TRMT11: variants seen among roughly 807,000 people sequenced by gnomAD.
TRMT11 encodes the protein tRNA methyltransferase 11.
Under a neutral mutation model 62.8 loss-of-function variants are expected in TRMT11, and 53 were observed. That is an observed-to-expected ratio of 0.84 (90% confidence interval 0.68 to 1.06). The LOEUF (loss-of-function observed/expected upper bound fraction) is 1.06, where lower values mean the gene tolerates loss of function less well. Among genes scored for constraint, TRMT11 ranks in the 50% least tolerant of loss-of-function variants. TRMT11 has a pLI of 0.00. For synonymous variants in TRMT11, 188 were observed against 190.3 expected (o/e 0.99, Z 0.10); for missense variants, 556 against 553.4 (o/e 1.00, Z -0.05).
chr6:126,154,333 GTGTGTA>G (rs763615314), intron 21 of TRMT11, among the ~76,000 whole-genome samples: 62 of 145,552 alleles, frequency 4.3e-4, no homozygotes, highest in African/African-American at 5.6e-4. Context: ...ATATGTGTGT[GTGTGTA>G]TGTGTGTGTG....
At chr6:126,241,778 A>G in the TRMT11 span, among the ~76,000 whole-genome samples, 5 of 152,230 alleles carry the variant, frequency 3.3e-5, no homozygotes, top group Admixed American at 1.3e-4. Flanking sequence ...TAAATTAGGT[A>G]TTGTTGGGAC....
intron 8 of TRMT11, among the ~76,000 whole-genome samples, chr6:126,009,801 T>C (rs1162125120): frequency 1.3e-5 from 2 of 152,072 alleles, no homozygotes; most frequent in Non-Finnish European, 2.9e-5. Flanking sequence ...AAGCAGTATA[T>C]TTCTTTTAAG....
chr6:126,041,491 A>G (rs768867501), downstream of TRMT11, among the ~76,000 whole-genome samples: 2 of 152,176 alleles, frequency 1.3e-5, no homozygotes, highest in African/African-American at 2.4e-5. Context: ...AACTGCTGAC[A>G]TCTTATGCTG....
intron 7 of TRMT11, chr6:126,006,871 A>T (rs1014339087): frequency 6.6e-6 from 1 of 152,012 alleles, no homozygotes; most frequent in Non-Finnish European, 1.5e-5. Context: ...GTCTTCTCAA[A>T]ACTCACTCTA....
intron 3 of TRMT11, among the ~76,000 whole-genome samples, chr6:126,201,127 T>C (rs1435128274): frequency 6.6e-6 from 1 of 152,242 alleles, no homozygotes; most frequent in Non-Finnish European, 1.5e-5. Context: ...GATATGTTTA[T>C]TGATTCAGTC....
At chr6:126,164,462 G>A (rs147191187) in intron 21 of TRMT11, among the ~76,000 whole-genome samples, 2,254 of 152,328 alleles carry the variant, frequency 0.015, 52 homozygotes, top group African/African-American at 0.05. Flanking sequence ...CTGATTTGAG[G>A]TGGAGAGTTT....
chr6:126,138,263 A>G (rs1777875794), intron 21 of TRMT11, among the ~76,000 whole-genome samples: 1 of 151,974 alleles, frequency 6.6e-6, no homozygotes, highest in Non-Finnish European at 1.5e-5. Context: ...AAATACAATA[A>G]AAGTGTGTTA....
At chr6:126,063,566 C>G (rs1776599823) in intron 17 of TRMT11, among the ~76,000 whole-genome samples, 2 of 152,134 alleles carry the variant, frequency 1.3e-5, no homozygotes, top group Admixed American at 1.3e-4. Flanking sequence ...CTTTCTAGAC[C>G]AGAGCTTCTC....
chr6:126,119,577 G>A (rs1777628088), intron 21 of TRMT11, among the ~76,000 whole-genome samples: 1 of 151,982 alleles, frequency 6.6e-6, no homozygotes, highest in African/African-American at 2.4e-5. Flanking sequence ...ATGGAAAGAT[G>A]GTAAAGTACC....
chr6:126,233,956 A>T, the TRMT11 span, among the ~76,000 whole-genome samples: 23 of 152,180 alleles, frequency 1.5e-4, no homozygotes, highest in African/African-American at 5.5e-4. Context: ...GTGATTAAAA[A>T]TAGATATTAT....
chr6:126,131,979 C>G (rs1777789795), intron 21 of TRMT11, among the ~76,000 whole-genome samples: 1 of 151,976 alleles, frequency 6.6e-6, no homozygotes, highest in African/African-American at 2.4e-5. Flanking sequence ...GTCATTTATT[C>G]ATGGTTGGTT....
intron 1 of TRMT11, 189 bp downstream of exon 1, chr6:125,986,811 G>A (rs954734347): frequency 1.7e-6 from 1 of 585,652 alleles, no homozygotes; most frequent in Non-Finnish European, 3.0e-6. Flanking sequence ...AGAAGTCCGA[G>A]ACCAAACCCC....
At chr6:126,029,228 ATCTAAC>A (rs1489394124) in intron 12 of TRMT11, among the ~76,000 whole-genome samples, 2 of 152,182 alleles carry the variant, frequency 1.3e-5, no homozygotes, top group Non-Finnish European at 2.9e-5. Flanking sequence ...TCTTCTAAGA[ATCTAAC>A]TCTGAGATTT....
chr6:126,079,033 T>C (rs1421582516), intron 17 of TRMT11, among the ~76,000 whole-genome samples: 1 of 152,198 alleles, frequency 6.6e-6, no homozygotes, highest in Non-Finnish European at 1.5e-5. Flanking sequence ...ATGTAGTTGC[T>C]TGTTAAATTC....
At chr6:126,177,012 G>GA (rs111406645), upstream of TRMT11, among the ~76,000 whole-genome samples, 194 of 140,584 alleles carry the variant, frequency 1.4e-3, no homozygotes, top group South Asian at 2.3e-3. Flanking sequence ...TTTTTAACAA[G>GA]AAAAAAAAAA....
intron 6 of TRMT11, 38 bp from the exon 7 acceptor site, chr6:125,999,419 G>A (rs755572790): frequency 4.6e-6 from 7 of 1,526,380 alleles, no homozygotes; most frequent in African/African-American, 1.4e-5. Flanking sequence ...AGTCTATTCT[G>A]TATGGCTATA....
At chr6:126,086,247 C>T (rs898189153) in intron 17 of TRMT11, among the ~76,000 whole-genome samples, 7 of 152,166 alleles carry the variant, frequency 4.6e-5, no homozygotes, top group African/African-American at 1.7e-4. Context: ...ATTACTTAAA[C>T]ATCCATTATT....
At chr6:126,158,475 C>G (rs1174801438) in intron 21 of TRMT11, among the ~76,000 whole-genome samples, 2 of 152,134 alleles carry the variant, frequency 1.3e-5, no homozygotes, top group Non-Finnish European at 2.9e-5. Flanking sequence ...GGAGGAAGCT[C>G]ATGTCTATTT....
intron 12 of TRMT11, among the ~76,000 whole-genome samples, chr6:126,031,130 GT>G (rs954600843): frequency 1.3e-5 from 2 of 152,072 alleles, no homozygotes; most frequent in Non-Finnish European, 2.9e-5. Flanking sequence ...AAGGATGCAA[GT>G]TTTTTTGTTT....
Sources: allele counts gnomAD v4.1 joint callset (sites outside exome capture counted in the v4.1 genomes callset), GRCh38; gene constraint gnomAD v4.1.1; transcripts MANE v1.5; gene names NCBI Gene and HGNC (gene_info 2026-07-23, HGNC 2026-07-21).